Variants in RTF1 observed in about 807,000 individuals in gnomAD.
RTF1 encodes RTF1 homolog, Paf1/RNA polymerase II complex component.
RTF1 carries 10 observed loss-of-function variants against 95.7 expected under a neutral mutation model. The ratio of observed to expected loss-of-function variants is 0.10; its 90% CI spans 0.06 to 0.18. The LOEUF (loss-of-function observed/expected upper bound fraction) is 0.18, where lower values mean the gene tolerates loss of function less well. Ranked by LOEUF, RTF1 falls within the 10% of genes least tolerant of loss-of-function variation. The pLI is 1.00. For synonymous variants in RTF1, 305 were observed against 311.8 expected, an observed-to-expected ratio of 0.98 and a Z score of 0.23; for missense variants, 458 against 875.6, an observed-to-expected ratio of 0.52 and a Z score of 6.02.
At position 41,417,331 on chromosome 15, in the gene RTF1, A is replaced by G; in HGVS notation, c.198+18A>G. The stretch of plus-strand genomic sequence containing the variant: ...TGGATCAGGTGAGGGCAGGCCGCGG[A>G]GGCGCGGGCCGGCGGAGCCAGAGGG... On this transcript the variant is annotated intron_variant, in intron 1 of 17. Transcript: ENST00000389629. 1 of 1,246,096 alleles carries G rather than the reference A, an allele frequency of 8.0e-7. No homozygotes were observed. Among genetic ancestry groups the G allele is most frequent in the Non-Finnish European group, 1.0e-6 (1 of 987,722 alleles). 77.2% of individuals were successfully genotyped at this position (1,246,096 alleles called of 1,614,324 possible).
At chr15:41,419,205 C>T (rs1013531776) in intron 1 of RTF1, among the ~76,000 whole-genome samples, 2 of 152,170 alleles carry the variant, frequency 1.3e-5, no homozygotes, top group Admixed American at 1.3e-4. Flanking sequence ...GGAGTAGAAT[C>T]TATTTTTTTC....
rs1318152324 is a variant in RTF1, at chr15:41,438,373, C to T, written c.251C>T (p.Pro84Leu). ...RKRSDSEEKE[P>L]PVSQPAASSD... is the part of the protein sequence containing the mutation. ...CGCAGTGACTCTGAGGAGAAGGAGC[C>T]GCCTGTGAGTCAGCCTGCAGCCTCG... The change falls in exon 2 of 18, where the codon CCG becomes CTG. Residue 84 changes from proline to leucine, a missense_variant. By Grantham distance (98) the Pro-to-Leu change is moderately conservative. Transcript: ENST00000389629. 1.0e-5 allele frequency: 16 copies of T among 1,551,182 alleles called. No individual in the cohort carries two copies. In the Admixed American group the frequency reaches 2.0e-4, roughly 19 times the overall value.
Position 41,480,870 on chromosome 15 carries a change from T to C in RTF1, c.*183T>C, listed in dbSNP as rs546922080. 290 of 590,930 alleles carry C rather than the reference T, an allele frequency of 4.9e-4. No homozygotes were observed. Among genetic ancestry groups the C allele is most frequent in the African/African-American group, 4.9e-3 (262 of 53,818 alleles). 36.6% of individuals were successfully genotyped at this position (590,930 alleles called of 1,614,324 possible). A position where few individuals can be genotyped will look rare whatever the true frequency, so the allele number is the denominator to read the frequency against. On this transcript the variant is annotated 3_prime_UTR_variant, in exon 18 of 18. Coordinates refer to ENST00000389629, the MANE Select transcript of RTF1 (RefSeq NM_015138.5). ...AGACCTCCTTTGTCTGCACACCATC[T>C]CCCACCAGCCTCCCCTCCCCCAGGG...
intron 1 of RTF1, among the ~76,000 whole-genome samples, chr15:41,429,055 A>AT (rs1260641384): frequency 6.6e-6 from 1 of 151,656 alleles, no homozygotes; most frequent in South Asian, 2.1e-4. Flanking sequence ...TTGATTTTTA[A>AT]TTTTTTGTAG....
chr15:41,453,942 A>T (rs1333893318), intron 3 of RTF1, among the ~76,000 whole-genome samples: 1 of 152,152 alleles, frequency 6.6e-6, no homozygotes, highest in Admixed American at 6.6e-5. Flanking sequence ...AATTGAGTCA[A>T]GGGCAGTTCC....
chr15:41,461,976 A>C (rs2050851683), intron 4 of RTF1, among the ~76,000 whole-genome samples: 1 of 145,116 alleles, frequency 6.9e-6, no homozygotes, highest in Non-Finnish European at 1.5e-5. Flanking sequence ...GCTGGTCTTG[A>C]ACTCCTGGCC....
intron 15 of RTF1, 166 bp downstream of exon 15, chr15:41,478,791 C>T (rs2050955309): frequency 3.1e-6 from 2 of 641,128 alleles, no homozygotes; most frequent in Non-Finnish European, 5.4e-6. Flanking sequence ...TGCTATAGGA[C>T]ATATCGGTAG....
intron 3 of RTF1, 99 bp from the exon 4 acceptor site, chr15:41,457,573 C>G (rs2050825633): frequency 9.8e-7 from 1 of 1,019,474 alleles, no homozygotes. Flanking sequence ...TGGTTTCTTA[C>G]TGTAGCTGAA....
chr15:41,420,046 C>G (rs1053776885), intron 1 of RTF1, among the ~76,000 whole-genome samples: 8 of 152,088 alleles, frequency 5.3e-5, no homozygotes, highest in African/African-American at 1.9e-4. Context: ...GTTTCGAACT[C>G]CTGACCTCAA....
Position 41,417,286 on chromosome 15 carries a change from C to T in RTF1, c.171C>T (p.Asp57=). The change falls in exon 1 of 18, where the codon GAC becomes GAT. Residue 57 remains aspartate, a synonymous_variant. Transcript: ENST00000389629. ...GRVVIDSDTE[D]SGSDENLDQE... ...TCGTGATCGACTCGGACACAGAGGACAGCGGCAGCGACGAGAACCTGGATC... is the reference window on the plus strand; with the variant it reads ...TCGTGATCGACTCGGACACAGAGGATAGCGGCAGCGACGAGAACCTGGATC... The T allele has an allele frequency of 1.6e-6, 2 of 1,247,854 alleles. No individual in the cohort carries two copies. Among genetic ancestry groups the T allele is most frequent in the South Asian group, 4.1e-5 (1 of 24,478 alleles). The allele number at this position is 1,247,854 out of a possible 1,614,324, so 77.3% of individuals were successfully genotyped here.
chr15:41,477,721 A>C, intron 14 of RTF1: 1 of 573,850 alleles, frequency 1.7e-6, no homozygotes. Context: ...ACCTCTTCCC[A>C]CCCTTAGATT....
intron 2 of RTF1, among the ~76,000 whole-genome samples, chr15:41,449,299 C>T (rs1050608131): frequency 4.9e-5 from 7 of 143,510 alleles, no homozygotes; most frequent in Non-Finnish European, 9.0e-5. Context: ...GGTACGAACT[C>T]GGCTCACTGC....
At chr15:41,432,320 C>G (rs533042238) in intron 1 of RTF1, among the ~76,000 whole-genome samples, 1 of 150,846 alleles carries the variant, frequency 6.6e-6, no homozygotes, top group African/African-American at 2.4e-5. Context: ...ACCTCAGCCT[C>G]CGGAGTACCT....
intron 16 of RTF1, among the ~76,000 whole-genome samples, chr15:41,479,706 GAAA>G (rs984183241): frequency 6.6e-6 from 1 of 151,430 alleles, no homozygotes; most frequent in Admixed American, 6.6e-5. Flanking sequence ...ACTAAAAATA[GAAA>G]AAAAATAGCT....
intron 2 of RTF1, among the ~76,000 whole-genome samples, chr15:41,450,507 C>T (rs1480877289): frequency 4.6e-5 from 7 of 151,680 alleles, no homozygotes; most frequent in African/African-American, 1.7e-4. Context: ...ATGGCGTGAA[C>T]CGGGGAGGCG....
intron 7 of RTF1, 42 bp downstream of exon 7, chr15:41,470,434 G>T (rs150171478): frequency 6.3e-7 from 1 of 1,598,664 alleles, no homozygotes; most frequent in East Asian, 2.2e-5. Context: ...AGGATAGGTG[G>T]GTTTTTGAGG....
intron 2 of RTF1, among the ~76,000 whole-genome samples, chr15:41,447,507 CTG>C (rs1262236094): frequency 6.6e-6 from 1 of 152,182 alleles, no homozygotes; most frequent in Non-Finnish European, 1.5e-5. Flanking sequence ...ATTAAAATAC[CTG>C]TTACATCAGT....
intron 12 of RTF1, among the ~76,000 whole-genome samples, chr15:41,476,758 G>A (rs1465358539): frequency 6.6e-6 from 1 of 152,192 alleles, no homozygotes; most frequent in African/African-American, 2.4e-5. Context: ...AGTCACTTCA[G>A]TTTCCTTTGT....
intron 3 of RTF1, 38 bp downstream of exon 3, chr15:41,453,086 A>C: frequency 6.7e-7 from 1 of 1,492,922 alleles, no homozygotes. Flanking sequence ...GTCAACTCCC[A>C]CTCTTGTCAG....
Sources: gnomAD v4.1 joint callset for allele counts (sites outside exome capture counted in the v4.1 genomes callset) on GRCh38, gnomAD v4.1.1 for gene constraint, MANE v1.5 for transcripts, NCBI Gene and HGNC (gene_info 2026-07-23, HGNC 2026-07-21) for gene names.